CPA6: variants seen among roughly 807,000 people sequenced by gnomAD.
The protein encoded by CPA6 is carboxypeptidase B.
A neutral mutation model predicts 63.3 loss-of-function variants in CPA6; 58 were observed. The observed-to-expected ratio is 0.92, with a 90% confidence interval of 0.74 to 1.14. CPA6 has a LOEUF of 1.14. CPA6 is among the 50% of genes most tolerant of loss of function. The probability of loss-of-function intolerance (pLI) is 0.00; values close to 1 mark genes in which losing one functional copy is unlikely to be tolerated. For synonymous variants in CPA6, 185 were observed against 179.0 expected, an observed-to-expected ratio of 1.03 and a Z score of -0.27; for missense variants, 565 against 526.6, an observed-to-expected ratio of 1.07 and a Z score of -0.71.
At chr8:67,478,388 C>T (rs1041529172) in intron 8 of CPA6, among the ~76,000 whole-genome samples, 4 of 152,030 alleles carry the variant, frequency 2.6e-5, no homozygotes, top group East Asian at 3.9e-4. Flanking sequence ...TGTAGCAGAT[C>T]GAATTGAAAG....
rs1212168919 is a variant in CPA6 at position 67,475,895 on chromosome 8, TTTC to T, written c.838+7870_838+7872del. Among the ~76,000 whole-genome samples the T allele has an allele frequency of 6.5e-4, 56 of 86,338 alleles. 1 individual carries two copies. Among genetic ancestry groups the T allele is most frequent in the African/African-American group, 1.0e-3 (18 of 17,248 alleles). 56.6% of individuals were successfully genotyped at this position (86,338 alleles called of 152,430 possible). On this transcript the variant is annotated intron_variant, in intron 8 of 10. Coordinates refer to ENST00000297770, the MANE Select transcript of CPA6 (RefSeq NM_020361.5). ...TCTTTCTTTCTCCTTTCTTTCTTTC[TTTC>T]TTTCTTTCTTTCTTTCTTTCTTTCT...
At chr8:67,692,284 C>T (rs892931352) in intron 1 of CPA6, among the ~76,000 whole-genome samples, 11 of 141,410 alleles carry the variant, frequency 7.8e-5, no homozygotes, top group South Asian at 4.4e-4. Flanking sequence ...TGCGGTGAGC[C>T]GAGATTGTAC....
chr8:67,653,728 C>G (rs1563378620), intron 1 of CPA6, among the ~76,000 whole-genome samples: 1 of 151,970 alleles, frequency 6.6e-6, no homozygotes, highest in Non-Finnish European at 1.5e-5. Flanking sequence ...ATTGAATACC[C>G]TTTATTTCCT....
intron 2 of CPA6, among the ~76,000 whole-genome samples, chr8:67,560,774 C>T (rs1423950817): frequency 1.3e-5 from 2 of 152,156 alleles, no homozygotes; most frequent in Non-Finnish European, 2.9e-5. Flanking sequence ...TAGGCCACCT[C>T]CCATTTCCTT....
intron 9 of CPA6, among the ~76,000 whole-genome samples, chr8:67,433,084 G>T (rs550821937): frequency 6.6e-6 from 1 of 152,278 alleles, no homozygotes; most frequent in South Asian, 2.1e-4. Context: ...CACACATTTG[G>T]TGTCAAGAGG....
chr8:67,631,375 T>G (rs1477841042), intron 1 of CPA6, among the ~76,000 whole-genome samples: 2 of 152,208 alleles, frequency 1.3e-5, no homozygotes, highest in Non-Finnish European at 2.9e-5. Flanking sequence ...ACTCTGTGTC[T>G]AGCTAAAAGA....
intron 2 of CPA6, among the ~76,000 whole-genome samples, chr8:67,532,391 T>G (rs964146946): frequency 1.3e-5 from 2 of 152,056 alleles, no homozygotes; most frequent in Non-Finnish European, 2.9e-5. Context: ...ATTGAAAACT[T>G]AAATGACCAG....
At chr8:67,572,963 TG>T (rs1297569832) in intron 2 of CPA6, among the ~76,000 whole-genome samples, 1 of 152,218 alleles carries the variant, frequency 6.6e-6, no homozygotes, top group African/African-American at 2.4e-5. Flanking sequence ...GATGCAAGGA[TG>T]GTTCAACATT....
At chr8:67,616,725 G>C (rs1451927338) in intron 2 of CPA6, among the ~76,000 whole-genome samples, 1 of 152,066 alleles carries the variant, frequency 6.6e-6, no homozygotes, top group Non-Finnish European at 1.5e-5. Context: ...CATTTACCGA[G>C]TACTCTAAGC....
intron 8 of CPA6, among the ~76,000 whole-genome samples, chr8:67,468,056 TCAAA>T (rs959197940): frequency 5.3e-5 from 8 of 151,858 alleles, no homozygotes; most frequent in South Asian, 2.1e-4. Context: ...GGACACCATC[TCAAA>T]CAAACAAACA....
intron 1 of CPA6, among the ~76,000 whole-genome samples, chr8:67,648,405 C>A (rs1563376487): frequency 6.6e-6 from 1 of 152,024 alleles, no homozygotes; most frequent in Non-Finnish European, 1.5e-5. Context: ...AGCCTTTAGG[C>A]CCAACACAGA....
chr8:67,716,653 G>A (rs1409895616), intron 1 of CPA6, among the ~76,000 whole-genome samples: 1 of 152,178 alleles, frequency 6.6e-6, no homozygotes, highest in African/African-American at 2.4e-5. Flanking sequence ...TTCCTTGTAG[G>A]CAAATTGAAA....
chr8:67,428,149 G>C lies in CPA6; in HGVS notation c.1042-18C>G. ...GCAGATTCCTATGAGGGAAAATGGG[G>C]AAATTTTATATATTGTTGCATTGAA... On this transcript the variant is annotated intron_variant, in intron 9 of 10. Transcript: ENST00000297770. The C allele has an allele frequency of 1.3e-6, 2 of 1,507,838 alleles. No homozygotes were observed. Among genetic ancestry groups the C allele is most frequent in the Non-Finnish European group, 1.8e-6 (2 of 1,084,738 alleles). 93.4% of individuals were successfully genotyped at this position (1,507,838 alleles called of 1,614,324 possible).
intron 1 of CPA6, among the ~76,000 whole-genome samples, chr8:67,662,439 CGTATATGTATATATAGAAT>C (rs1816132649): frequency 6.8e-6 from 1 of 147,594 alleles, no homozygotes; most frequent in Non-Finnish European, 1.5e-5. Flanking sequence ...TACATACACA[CGTATATGTATATATAGAAT>C]ACATACACAC....
chr8:67,577,095 T>C (rs1288297342), intron 2 of CPA6, among the ~76,000 whole-genome samples: 1 of 152,134 alleles, frequency 6.6e-6, no homozygotes, highest in African/African-American at 2.4e-5. Flanking sequence ...CCTCAAGTGA[T>C]CCTCCTGCCT....
intron 5 of CPA6, among the ~76,000 whole-genome samples, chr8:67,507,513 A>G (rs900490808): frequency 1.3e-5 from 2 of 152,196 alleles, no homozygotes; most frequent in African/African-American, 4.8e-5. Flanking sequence ...CGAGAAATCA[A>G]TAGGAGATCC....
chr8:67,707,018 G>A (rs1817151101), intron 1 of CPA6, among the ~76,000 whole-genome samples: 1 of 152,128 alleles, frequency 6.6e-6, no homozygotes, highest in South Asian at 2.1e-4. Flanking sequence ...ATTATTTTGT[G>A]CCTCAGAGGT....
Position 67,647,312 on chromosome 8 carries a change from C to G in CPA6, c.117-23061G>C, listed in dbSNP as rs577543708. On this transcript the variant is annotated intron_variant, in intron 1 of 10. Transcript: ENST00000297770. ...TTTTGGGTATGTTAAGTTTGAGATGCTATTAGACAATGATAGGATAATCTT... is the reference window on the plus strand; with the variant it reads ...TTTTGGGTATGTTAAGTTTGAGATGGTATTAGACAATGATAGGATAATCTT... 2.0e-5 allele frequency among the ~76,000 whole-genome samples: 3 copies of G among 151,226 alleles called. No individual in the cohort carries two copies. In the South Asian group the frequency reaches 6.3e-4, roughly 32 times the overall value.
At chr8:67,569,562 A>C (rs767826018) in intron 2 of CPA6, 17 of 467,336 alleles carry the variant, frequency 3.6e-5, no homozygotes, top group Non-Finnish European at 5.7e-5. Context: ...CAACGACCAC[A>C]CAACAAGCCC....
Sources: allele counts gnomAD v4.1 joint callset (sites outside exome capture counted in the v4.1 genomes callset), GRCh38; gene constraint gnomAD v4.1.1; transcripts MANE v1.5; gene names NCBI Gene and HGNC (gene_info 2026-07-23, HGNC 2026-07-21).